Variants in ZBTB41 observed in about 807,000 individuals in gnomAD.
The protein encoded by ZBTB41 is zinc finger and BTB domain containing 41, also known as zinc finger and BTB domain-containing protein 41.
A neutral mutation model predicts 87.6 loss-of-function variants in ZBTB41; 42 were observed. That is an observed-to-expected ratio of 0.48 (90% CI 0.37 to 0.62). The LOEUF (loss-of-function observed/expected upper bound fraction) is 0.62. Ranked by LOEUF, ZBTB41 falls within the 20% of genes least tolerant of loss-of-function variation. ZBTB41 has a pLI of 0.00. For missense variants in ZBTB41, 799 were observed against 1,078.9 expected, an observed-to-expected ratio of 0.74 and a Z score of 3.63; for synonymous variants, 364 against 364.0, an observed-to-expected ratio of 1.00 and a Z score of 0.00.
Position 197,200,219 on chromosome 1 carries a change from T to C in ZBTB41, c.255A>G (p.Pro85=). The change falls in exon 2 of 11, where the codon CCA becomes CCG. Residue 85 remains proline (P), a synonymous_variant. Transcript: ENST00000367405. The part of the protein sequence containing the change: ...KYLNDDRQKQ[P]SFCDLLIIVE... ...CTATGATAAGTAAATCACAAAAAGA[T>C]GGTTGCTTCTGCCTATCATCATTTA... 1 of 1,613,540 alleles carries C rather than the reference T, an allele frequency of 6.2e-7. No homozygotes were observed. Among genetic ancestry groups the C allele is most frequent in the Non-Finnish European group, 8.5e-7 (1 of 1,179,896 alleles).
Position 197,199,365 on chromosome 1 carries a change from A to C in ZBTB41, c.1109T>G (p.Phe370Cys). The C allele has an allele frequency of 6.6e-7, 1 of 1,511,130 alleles. No homozygotes were observed. The highest frequency in any genetic ancestry group is 1.4e-5 in the African/African-American group (1 of 70,942). The allele number at this position is 1,511,130 out of a possible 1,614,324, so 93.6% of individuals were successfully genotyped here. A position where few individuals can be genotyped will look rare whatever the true frequency, so the allele number is the denominator to read the frequency against. The change falls in exon 2 of 11, where the codon TTT becomes TGT. Residue 370 changes from phenylalanine (F) to cysteine (C), a missense_variant. Physicochemically the swap from Phe to Cys is radical, Grantham distance 205. This residue lies in a region of ZBTB41 where 294 missense variants were observed against 340.1 expected (regional missense o/e 0.86). Coordinates refer to ENST00000367405, the MANE Select transcript of ZBTB41 (RefSeq NM_194314.3). ...TTTTCTTTTCTTACCTATTCGGTCA[A>C]ATGTTTTATCACATTTAGGACACTG... ...ILQCPKCDKT[F>C]DRIGKYESHT...
intron 2 of ZBTB41, among the ~76,000 whole-genome samples, chr1:197,196,232 A>G (rs1450352325): frequency 6.6e-6 from 1 of 152,196 alleles, no homozygotes; most frequent in African/African-American, 2.4e-5. Context: ...ATATGAGAAT[A>G]ATGGGAAGGT....
chr1:197,197,813 T>A (rs996783519), intron 2 of ZBTB41, among the ~76,000 whole-genome samples: 1 of 152,222 alleles, frequency 6.6e-6, no homozygotes, highest in Non-Finnish European at 1.5e-5. Context: ...AAACCGATTG[T>A]GAATTACGTA....
chr1:197,193,027 A>G (rs1447643489), intron 2 of ZBTB41, among the ~76,000 whole-genome samples: 3 of 152,218 alleles, frequency 2.0e-5, no homozygotes, highest in Non-Finnish European at 4.4e-5. Flanking sequence ...CAGAAGTACA[A>G]TGAAAAATTA....
intron 8 of ZBTB41, among the ~76,000 whole-genome samples, chr1:197,175,431 A>ATATATATATATATATATATATATATATAT (rs1659579396): frequency 1.4e-5 from 1 of 71,558 alleles, no homozygotes. Context: ...AGGAATTTTA[A>ATATATATATATATATATATATATATATAT]ATATATATAT....
chr1:197,169,356 G>C (rs1290216101), intron 10 of ZBTB41, among the ~76,000 whole-genome samples: 1 of 151,742 alleles, frequency 6.6e-6, no homozygotes. Context: ...TGAATAAATT[G>C]TAACAGTCAT....
intron 10 of ZBTB41, among the ~76,000 whole-genome samples, chr1:197,165,856 G>C (rs534134461): frequency 1.3e-5 from 2 of 152,174 alleles, no homozygotes. Context: ...CAAGATCAAC[G>C]CAGAAGGCAG....
At chr1:197,161,808 C>G (rs1433835244) in intron 10 of ZBTB41, among the ~76,000 whole-genome samples, 2 of 151,678 alleles carry the variant, frequency 1.3e-5, no homozygotes, top group African/African-American at 4.8e-5. Flanking sequence ...CTATAAATCC[C>G]TGGCATCAAT....
At chr1:197,172,293 A>G (rs1435653503) in intron 9 of ZBTB41, 45 bp from the exon 10 acceptor site, 12 of 636,996 alleles carry the variant, frequency 1.9e-5, no homozygotes, top group South Asian at 9.7e-5. Flanking sequence ...AATTTTAATA[A>G]CTATAATAAA....
intron 9 of ZBTB41, among the ~76,000 whole-genome samples, chr1:197,173,166 G>A (rs1389306336): frequency 1.3e-5 from 2 of 151,996 alleles, no homozygotes; most frequent in Admixed American, 1.3e-4. Flanking sequence ...ATGAATACAT[G>A]GCAAAATAAT....
chr1:197,164,234 C>A (rs1388163878), intron 10 of ZBTB41, among the ~76,000 whole-genome samples: 1 of 151,960 alleles, frequency 6.6e-6, no homozygotes, highest in African/African-American at 2.4e-5. Flanking sequence ...TTTCAGAATG[C>A]ACATTGTTAT....
At chr1:197,170,770 A>G (rs1234417323) in intron 10 of ZBTB41, among the ~76,000 whole-genome samples, 2 of 152,178 alleles carry the variant, frequency 1.3e-5, no homozygotes, top group African/African-American at 2.4e-5. Context: ...CTGCTTTCAC[A>G]TCACAACAGC....
rs1024748338 is a variant in ZBTB41 at position 197,157,066 on chromosome 1, T to G, written c.*2293A>C. Reference sequence around the variant, plus strand: ...AAAACAGTAAATCACTACTCAAGTTTAAGTTATCTACAATAGTAACTAAAT... The same window carrying G: ...AAAACAGTAAATCACTACTCAAGTTGAAGTTATCTACAATAGTAACTAAAT... On this transcript the variant is annotated 3_prime_UTR_variant, in exon 11 of 11. Transcript: ENST00000367405. 1 of 152,250 alleles carries G rather than the reference T, an allele frequency of 6.6e-6. No homozygotes were observed. The highest frequency in any genetic ancestry group is 2.4e-5 in the African/African-American group (1 of 41,424). 9.4% of individuals were successfully genotyped at this position (152,250 alleles called of 1,614,324 possible). A position where few individuals can be genotyped will look rare whatever the true frequency, so the allele number is the denominator to read the frequency against.
intron 10 of ZBTB41, among the ~76,000 whole-genome samples, chr1:197,166,134 T>C (rs981285899): frequency 2.0e-5 from 3 of 152,014 alleles, no homozygotes; most frequent in African/African-American, 7.2e-5. Context: ...AGCACGTGTA[T>C]ACCTATGTAA....
chr1:197,165,384 C>A (rs1004939095), intron 10 of ZBTB41, among the ~76,000 whole-genome samples: 4 of 151,682 alleles, frequency 2.6e-5, no homozygotes, highest in Non-Finnish European at 4.4e-5. Context: ...CCGAGGCGGG[C>A]GGATCACGAG....
At chr1:197,190,340 C>T (rs537034954) in intron 4 of ZBTB41, among the ~76,000 whole-genome samples, 1 of 152,206 alleles carries the variant, frequency 6.6e-6, no homozygotes. Flanking sequence ...CAAATCCCTG[C>T]CCCAAATTTG....
chr1:197,188,224 A>G, intron 5 of ZBTB41, 68 bp downstream of exon 5: 2 of 1,548,832 alleles, frequency 1.3e-6, no homozygotes, highest in Non-Finnish European at 1.8e-6. Context: ...CAGCTATAGA[A>G]GGCTCCTCCA....
chr1:197,199,949 A>G lies in ZBTB41; in HGVS notation c.525T>C (p.Asn175=), dbSNP rs1305073986. The G allele has an allele frequency of 6.2e-7, 1 of 1,613,208 alleles. No individual in the cohort carries two copies. Among genetic ancestry groups the G allele is most frequent in the Non-Finnish European group, 8.5e-7 (1 of 1,179,642 alleles). ...LDIIDAVKLL[N]NENVAPFHSE... ...AATGAAAAGGGGCAACATTTTCGTT[A>G]TTTAACAACTTCACTGCATCTATAA... The change falls in exon 2 of 11, where the codon AAT becomes AAC. Residue 175 remains asparagine (N), a synonymous_variant. Transcript: ENST00000367405.
chr1:197,193,581 A>C lies in ZBTB41; in HGVS notation c.1121-1682T>G, dbSNP rs1049799108. On this transcript the variant is annotated intron_variant, in intron 2 of 10. Coordinates refer to ENST00000367405, the MANE Select transcript of ZBTB41 (RefSeq NM_194314.3). ...ACTAGGGTTTCAGCTCTCTGATAAC[A>C]TTGGATACACTTGGCTCTTTCCCCT... Among the ~76,000 whole-genome samples the C allele has an allele frequency of 7.2e-5, 11 of 152,312 alleles. No homozygotes were observed. The East Asian group carries it at 1.4e-3, about 19-fold the overall frequency.
Sources: allele counts gnomAD v4.1 joint callset (sites outside exome capture counted in the v4.1 genomes callset), GRCh38; gene constraint gnomAD v4.1.1; regional missense constraint gnomAD v4.1.1; transcripts MANE v1.5; gene names NCBI Gene and HGNC (gene_info 2026-07-23, HGNC 2026-07-21).